RANBP2: variants seen among roughly 807,000 people sequenced by gnomAD.
RANBP2 encodes the protein RAN binding protein 2, also known as E3 SUMO-protein ligase RanBP2.
RANBP2 carries 57 observed loss-of-function variants against 303.6 expected under a neutral mutation model. The observed-to-expected ratio is 0.19, with a 90% CI of 0.15 to 0.23. The LOEUF is 0.23. Among genes scored for constraint, RANBP2 ranks in the 10% least tolerant of loss-of-function variants. The pLI, the probability that RANBP2 is intolerant of heterozygous loss-of-function variation, is 1.00. For synonymous variants in RANBP2, 1,167 were observed against 1,301.5 expected, an observed-to-expected ratio of 0.90 and a Z score of 2.23; for missense variants, 3,138 against 3,780.8, an observed-to-expected ratio of 0.83 and a Z score of 4.46.
At chr2:109,435,639 C>A in the RANBP2 span, among the ~76,000 whole-genome samples, 3 of 152,300 alleles carry the variant, frequency 2.0e-5, no homozygotes, top group African/African-American at 7.2e-5. Context: ...TGCCATCCTG[C>A]CATGAGGGCA....
chr2:108,719,495 G>C lies in RANBP2; in HGVS notation c.-112G>C, dbSNP rs138272224. 6.2e-3 allele frequency: 9,368 copies of C among 1,514,264 alleles called. 40 individuals are homozygous for C. Among genetic ancestry groups the C allele is most frequent in the Middle Eastern group, 0.016 (70 of 4,282 alleles). The allele number at this position is 1,514,264 out of a possible 1,614,324, so 93.8% of individuals were successfully genotyped here. On this transcript the variant is annotated 5_prime_UTR_variant, in exon 1 of 29. Transcript: ENST00000283195. ...CGCAAGTTCGTCACAGTGGTCCTCC[G>C]CCGGCTACGGCGCTGCGTCACTGGT...
intron 20 of RANBP2, among the ~76,000 whole-genome samples, chr2:108,770,263 G>C (rs1677405422): frequency 6.6e-6 from 1 of 152,132 alleles, no homozygotes; most frequent in Non-Finnish European, 1.5e-5. Context: ...ATTTACCCAA[G>C]GTGTCTTTAC....
chr2:108,758,523 G>C lies in RANBP2; in HGVS notation c.2577G>C (p.Gln859His). Residue 859 changes from glutamine to histidine, a missense_variant, in exon 18 of 29, where the codon CAG becomes CAC. By Grantham distance (24) the Gln-to-His change is conservative. Around this residue, in one of 20 missense-constraint regions of RANBP2, gnomAD observed 26 missense variants for 58.0 expected, o/e 0.45. Transcript: ENST00000283195. ...TGCCTGATGGATATCAGGGGTCACA[G>C]ACATTTCATGGGGCTCCACTAACAG... ...DSVPDGYQGS[Q>H]TFHGAPLTVA... The C allele has an allele frequency of 6.2e-7, 1 of 1,611,272 alleles. No individual in the cohort carries two copies.
the RANBP2 span, among the ~76,000 whole-genome samples, chr2:108,976,577 T>C: frequency 6.6e-6 from 1 of 152,224 alleles, no homozygotes; most frequent in African/African-American, 2.4e-5. Context: ...CTACATGAAT[T>C]ACCTGGAGTT....
the RANBP2 span, among the ~76,000 whole-genome samples, chr2:108,877,451 G>A: frequency 6.6e-6 from 1 of 152,122 alleles, no homozygotes; most frequent in African/African-American, 2.4e-5. Context: ...GGGCAACAAA[G>A]TGAGATTCTG....
chr2:108,782,921 G>C (rs1050771544), intron 28 of RANBP2, 59 bp downstream of exon 28: 1 of 1,433,662 alleles, frequency 7.0e-7, no homozygotes, highest in South Asian at 1.2e-5. Context: ...CACACTAATG[G>C]GAAATTTGAG....
chr2:108,777,074 A>G, intron 24 of RANBP2, 56 bp from the exon 25 acceptor site: 1 of 1,489,278 alleles, frequency 6.7e-7, no homozygotes, highest in Admixed American at 1.7e-5. Context: ...CCTGGGGTAA[A>G]GCTTTGATAT....
chr2:109,521,150 G>A, the RANBP2 span, among the ~76,000 whole-genome samples: 1 of 151,576 alleles, frequency 6.6e-6, no homozygotes, highest in African/African-American at 2.4e-5. Context: ...CCCGGGAGGC[G>A]GAGCTTGCAG....
chr2:109,358,050 T>A, the RANBP2 span, among the ~76,000 whole-genome samples: 7 of 152,158 alleles, frequency 4.6e-5, no homozygotes, highest in African/African-American at 1.7e-4. Context: ...TGTCTATCCA[T>A]CCCTCCCTCC....
At chr2:108,829,053 A>C in the RANBP2 span, among the ~76,000 whole-genome samples, 3 of 152,220 alleles carry the variant, frequency 2.0e-5, no homozygotes, top group African/African-American at 7.2e-5. Flanking sequence ...TCTTAGAAGA[A>C]GACACAGGAA....
the RANBP2 span, among the ~76,000 whole-genome samples, chr2:109,148,460 C>T: frequency 2.0e-5 from 3 of 152,136 alleles, no homozygotes; most frequent in Non-Finnish European, 4.4e-5. Context: ...GTAGCTCAAA[C>T]TGTGTACAAA....
At chr2:109,058,541 G>A in the RANBP2 span, among the ~76,000 whole-genome samples, 4 of 152,284 alleles carry the variant, frequency 2.6e-5, no homozygotes, top group Admixed American at 1.3e-4. Flanking sequence ...CAAATGTGGC[G>A]CCTGCTTAAA....
At chr2:108,800,516 C>T in the RANBP2 span, among the ~76,000 whole-genome samples, 36 of 151,604 alleles carry the variant, frequency 2.4e-4, no homozygotes, top group African/African-American at 8.0e-4. Context: ...CCACCTGCCT[C>T]GCCCTCCCAA....
At chr2:109,106,859 A>G in the RANBP2 span, among the ~76,000 whole-genome samples, 1 of 151,900 alleles carries the variant, frequency 6.6e-6, no homozygotes, top group Admixed American at 6.6e-5. Context: ...AAAAGAAGAG[A>G]AAAAAGTAAT....
At chr2:109,524,469 A>AAC in the RANBP2 span, among the ~76,000 whole-genome samples, 362 of 80,540 alleles carry the variant, frequency 4.5e-3, 2 homozygotes, top group Admixed American at 0.014. Context: ...AAAAAAAACA[A>AAC]AACAACACTG....
intron 26 of RANBP2, 139 bp from the exon 27 acceptor site, chr2:108,781,989 G>C: frequency 1.1e-6 from 1 of 902,958 alleles, no homozygotes; most frequent in Non-Finnish European, 1.7e-6. Context: ...CTAGCCCTAA[G>C]ATATATAACC....
the RANBP2 span, among the ~76,000 whole-genome samples, chr2:109,236,761 G>T: frequency 6.6e-6 from 1 of 152,154 alleles, no homozygotes; most frequent in Non-Finnish European, 1.5e-5. Flanking sequence ...AACTGGTGCT[G>T]CCCTGAAGTG....
chr2:108,734,561 T>C (rs1322193068), intron 4 of RANBP2, among the ~76,000 whole-genome samples: 9 of 152,012 alleles, frequency 5.9e-5, no homozygotes, highest in Middle Eastern at 3.2e-3. Flanking sequence ...TAAGGGATTA[T>C]AGCATTTTTT....
chr2:109,714,977 G>T, the RANBP2 span, among the ~76,000 whole-genome samples: 1 of 117,554 alleles, frequency 8.5e-6, no homozygotes, highest in South Asian at 3.0e-4. Context: ...GGGGGTGGGG[G>T]TGGGGGCGGG....
Sources: allele counts gnomAD v4.1 joint callset (sites outside exome capture counted in the v4.1 genomes callset), GRCh38; gene constraint gnomAD v4.1.1; regional missense constraint gnomAD v4.1.1; transcripts MANE v1.5; gene names NCBI Gene and HGNC (gene_info 2026-07-23, HGNC 2026-07-21).